ZNF704: variants seen among roughly 807,000 people sequenced by gnomAD.
ZNF704 encodes zinc finger protein 704.
ZNF704 carries 10 observed loss-of-function variants against 44.7 expected under a neutral mutation model. That is an observed-to-expected ratio of 0.22 (90% CI 0.14 to 0.38). The LOEUF (loss-of-function observed/expected upper bound fraction) is 0.38. ZNF704 is among the 10% of genes least tolerant of loss of function. The pLI, the probability that ZNF704 is intolerant of heterozygous loss-of-function variation, is 1.00. For synonymous variants in ZNF704, 211 were observed against 207.6 expected, an observed-to-expected ratio of 1.02 and a Z score of -0.14; for missense variants, 390 against 545.5, an observed-to-expected ratio of 0.71 and a Z score of 2.84.
chr8:80,813,423 A>G (rs557302525), intron 2 of ZNF704, among the ~76,000 whole-genome samples: 29 of 152,334 alleles, frequency 1.9e-4, no homozygotes, highest in African/African-American at 7.0e-4. Flanking sequence ...TATAATAAAG[A>G]ACTTATAGTA....
At chr8:80,862,764 C>CAA (rs71266094) in intron 1 of ZNF704, among the ~76,000 whole-genome samples, 47 of 13,048 alleles carry the variant, frequency 3.6e-3, no homozygotes, top group Middle Eastern at 0.042. Flanking sequence ...GACTCCGTCT[C>CAA]AAAAAAAAAA....
At chr8:80,843,163 T>C (rs1309521983) in intron 1 of ZNF704, among the ~76,000 whole-genome samples, 1 of 152,262 alleles carries the variant, frequency 6.6e-6, no homozygotes, top group Non-Finnish European at 1.5e-5. Flanking sequence ...TTATTATTCA[T>C]TTGTATTTTC....
At chr8:80,779,802 G>T (rs1807481060) in intron 2 of ZNF704, among the ~76,000 whole-genome samples, 2 of 151,484 alleles carry the variant, frequency 1.3e-5, no homozygotes. Context: ...TTTAAAAGTT[G>T]ATCTTGTTTG....
At chr8:80,693,941 G>T (rs1430076082) in intron 2 of ZNF704, among the ~76,000 whole-genome samples, 1 of 152,100 alleles carries the variant, frequency 6.6e-6, no homozygotes, top group African/African-American at 2.4e-5. Flanking sequence ...TAGAAGGAGG[G>T]AGGCCACTTA....
intron 7 of ZNF704, among the ~76,000 whole-genome samples, chr8:80,656,957 T>C (rs1032289672): frequency 6.6e-6 from 1 of 152,250 alleles, no homozygotes; most frequent in Non-Finnish European, 1.5e-5. Flanking sequence ...TTACAACTTT[T>C]AGAGCTTTGG....
intron 2 of ZNF704, among the ~76,000 whole-genome samples, chr8:80,725,574 G>A (rs553532800): frequency 3.9e-5 from 6 of 152,234 alleles, no homozygotes; most frequent in East Asian, 1.9e-4. Context: ...TATGGGAGAC[G>A]ATGCTGGAAA....
At chr8:80,670,430 T>A in intron 5 of ZNF704, 73 bp downstream of exon 5, 1 of 1,074,170 alleles carries the variant, frequency 9.3e-7, no homozygotes. Context: ...CAGTGTGGTG[T>A]GCAATTTCTG....
intron 2 of ZNF704, among the ~76,000 whole-genome samples, chr8:80,738,572 C>CA (rs149242497): frequency 6.8e-6 from 1 of 147,304 alleles, no homozygotes; most frequent in Admixed American, 6.8e-5. Context: ...ACTCCAGAGT[C>CA]TTTTTTTTTT....
intron 2 of ZNF704, among the ~76,000 whole-genome samples, chr8:80,778,574 C>G (rs1410752414): frequency 6.6e-6 from 1 of 152,090 alleles, no homozygotes; most frequent in East Asian, 1.9e-4. Context: ...CATTACTATA[C>G]TACTCATAAC....
Position 80,648,546 on chromosome 8 carries a change from A to G in ZNF704, c.1033-5417T>C, listed in dbSNP as rs368051713. On this transcript the variant is annotated intron_variant, in intron 7 of 8. Coordinates refer to ENST00000327835, the MANE Select transcript of ZNF704 (RefSeq NM_001033723.3). The stretch of plus-strand genomic sequence containing the variant: ...TGAAAGACAGGCAAGTAGGTTATCT[A>G]TTATCTCTTTTAATTCTCACAGAAA... 1.1e-4 allele frequency among the ~76,000 whole-genome samples: 16 copies of G among 152,252 alleles called. No homozygotes were observed. In the East Asian group the frequency reaches 2.3e-3, roughly 22 times the overall value.
At chr8:80,877,959 G>A (rs1336209773), upstream of ZNF704, among the ~76,000 whole-genome samples, 2 of 152,218 alleles carry the variant, frequency 1.3e-5, no homozygotes, top group African/African-American at 4.8e-5. Flanking sequence ...CATAAGAATA[G>A]TGTGAAGTTT....
At chr8:80,868,290 C>G (rs533441581) in intron 1 of ZNF704, among the ~76,000 whole-genome samples, 2 of 152,146 alleles carry the variant, frequency 1.3e-5, no homozygotes, top group Non-Finnish European at 2.9e-5. Flanking sequence ...TTCTTTTGAT[C>G]AGAAATTGAA....
At chr8:80,778,769 G>GC (rs1189484437) in intron 2 of ZNF704, among the ~76,000 whole-genome samples, 10 of 152,024 alleles carry the variant, frequency 6.6e-5, no homozygotes, top group Admixed American at 3.9e-4. Context: ...GAAACCAAAT[G>GC]CCGCATCTTC....
intron 1 of ZNF704, among the ~76,000 whole-genome samples, chr8:80,834,251 T>C (rs1232851024): frequency 1.3e-5 from 2 of 152,034 alleles, no homozygotes; most frequent in Non-Finnish European, 2.9e-5. Context: ...ATGCAAATGG[T>C]CAGTATCTAG....
At chr8:80,806,479 G>GT (rs1024285855) in intron 2 of ZNF704, among the ~76,000 whole-genome samples, 3 of 152,040 alleles carry the variant, frequency 2.0e-5, no homozygotes, top group African/African-American at 7.2e-5. Context: ...AAAGGTTTGT[G>GT]TTTTTTTCTT....
intron 3 of ZNF704, among the ~76,000 whole-genome samples, chr8:80,690,921 A>G (rs1818623095): frequency 6.6e-6 from 1 of 152,158 alleles, no homozygotes; most frequent in Non-Finnish European, 1.5e-5. Context: ...AGGCATGAGA[A>G]TCACTTGAAC....
chr8:80,738,522 A>G (rs1250833935), intron 2 of ZNF704, among the ~76,000 whole-genome samples: 1 of 152,136 alleles, frequency 6.6e-6, no homozygotes, highest in African/African-American at 2.4e-5. Flanking sequence ...CCAAGGTGAC[A>G]CAGCTAGCGA....
At chr8:80,774,511 C>T (rs1807377900) in intron 2 of ZNF704, among the ~76,000 whole-genome samples, 1 of 152,102 alleles carries the variant, frequency 6.6e-6, no homozygotes, top group Non-Finnish European at 1.5e-5. Flanking sequence ...TGCAGCACTG[C>T]GTTACTGTGT....
chr8:80,865,037 C>A (rs765917532), intron 1 of ZNF704, among the ~76,000 whole-genome samples: 2 of 152,148 alleles, frequency 1.3e-5, no homozygotes, highest in East Asian at 3.9e-4. Context: ...CATATTATGA[C>A]GGAACACCAC....
Sources: allele counts gnomAD v4.1 joint callset (sites outside exome capture counted in the v4.1 genomes callset), GRCh38; gene constraint gnomAD v4.1.1; transcripts MANE v1.5; gene names NCBI Gene and HGNC (gene_info 2026-07-23, HGNC 2026-07-21).